SLC6A6: variants seen among roughly 807,000 people sequenced by gnomAD.
SLC6A6 encodes the protein sodium- and chloride-dependent taurine transporter.
In SLC6A6, 16 loss-of-function variants were observed where a neutral mutation model predicts 68.8. The ratio of observed to expected loss-of-function variants is 0.23; its 90% CI spans 0.16 to 0.35. SLC6A6 has a LOEUF of 0.35. SLC6A6 is among the 10% of genes least tolerant of loss of function. The probability of loss-of-function intolerance (pLI) is 1.00; values close to 1 mark genes in which losing one functional copy is unlikely to be tolerated. For missense variants in SLC6A6, 474 were observed against 802.8 expected (o/e 0.59, Z 4.95); for synonymous variants, 312 against 315.4 (o/e 0.99, Z 0.12).
In SLC6A6 at chr3:14,468,252, C is replaced by T; in HGVS notation, c.1096+40C>T. The T allele has an allele frequency of 6.3e-7, 1 of 1,594,630 alleles. No homozygotes were observed. The highest frequency in any genetic ancestry group is 8.5e-7 in the Non-Finnish European group (1 of 1,170,038). On this transcript the variant is annotated intron_variant, in intron 9 of 14. Transcript: ENST00000622186. This position sits in a 1 kb window ranked among gnomAD's most constrained non-coding sequence, Gnocchi z 4.5. ...GTGGCAGTGGTGGTGGGCACTGCCACCTAGTGTGTAAGCCAAGTACTGCAG... is the reference window on the plus strand; with the variant it reads ...GTGGCAGTGGTGGTGGGCACTGCCATCTAGTGTGTAAGCCAAGTACTGCAG...
intron 9 of SLC6A6, among the ~76,000 whole-genome samples, chr3:14,469,144 C>T (rs1015892236): frequency 2.6e-5 from 4 of 152,144 alleles, no homozygotes; most frequent in African/African-American, 9.7e-5. Flanking sequence ...ACCTCTCCAC[C>T]CTTCCCCGGC....
intron 5 of SLC6A6, among the ~76,000 whole-genome samples, chr3:14,448,689 G>A (rs1033553123): frequency 3.3e-5 from 5 of 152,226 alleles, no homozygotes; most frequent in Admixed American, 2.6e-4. Flanking sequence ...CTTCATGAGA[G>A]GAGTGAAGAA....
Position 14,485,174 on chromosome 3 carries a change from G to A in SLC6A6, c.*167G>A, listed in dbSNP as rs980202863. Reference sequence around the variant, plus strand: ...TGTGTGCGTGCGTGTGTGTGTGTGTGTGTATCGTGTGTGTGTGTTTTGTTT... The same window carrying A: ...TGTGTGCGTGCGTGTGTGTGTGTGTATGTATCGTGTGTGTGTGTTTTGTTT... On this transcript the variant is annotated 3_prime_UTR_variant, in exon 15 of 15. Transcript: ENST00000622186. 1 of 494,358 alleles carries A rather than the reference G, an allele frequency of 2.0e-6. No homozygotes were observed. The allele number at this position is 494,358 out of a possible 1,614,324, so 30.6% of individuals were successfully genotyped here. A position where few individuals can be genotyped will look rare whatever the true frequency, so the allele number is the denominator to read the frequency against.
At chr3:14,424,845 C>T (rs568349944) in intron 2 of SLC6A6, among the ~76,000 whole-genome samples, 3 of 152,100 alleles carry the variant, frequency 2.0e-5, no homozygotes, top group South Asian at 2.1e-4. Context: ...TTTGGGAGCC[C>T]GTGAAGTGCA....
At chr3:14,443,094 T>C (rs1438867089) in intron 2 of SLC6A6, among the ~76,000 whole-genome samples, 1 of 152,266 alleles carries the variant, frequency 6.6e-6, no homozygotes, top group Non-Finnish European at 1.5e-5. Flanking sequence ...TCTGTTTTTT[T>C]AACTTACAGT....
chr3:14,413,538 G>T (rs1254285145), intron 1 of SLC6A6, among the ~76,000 whole-genome samples: 4 of 152,230 alleles, frequency 2.6e-5, no homozygotes, highest in African/African-American at 7.2e-5. Context: ...TGGGCATCAC[G>T]TGGGAGCCTG....
At chr3:14,423,936 G>A (rs1218578262) in intron 2 of SLC6A6, among the ~76,000 whole-genome samples, 2 of 152,194 alleles carry the variant, frequency 1.3e-5, no homozygotes, top group Non-Finnish European at 2.9e-5. Context: ...GCCGAGTCTG[G>A]AAGTCTCATG....
In SLC6A6 at chr3:14,473,453, C is replaced by T. The variant is rs182226263; in HGVS notation, c.1209+1136C>T. Among the ~76,000 whole-genome samples the T allele has an allele frequency of 5.5e-3, 835 of 152,172 alleles. 6 individuals are homozygous for T. The highest frequency in any genetic ancestry group is 0.031 in the Middle Eastern group (9 of 294). On this transcript the variant is annotated intron_variant, in intron 10 of 14. Coordinates refer to ENST00000622186, the MANE Select transcript of SLC6A6 (RefSeq NM_003043.6). ...GAGAGGTTGGAGCTTGCAGCCAGGG[C>T]GGGAGAACCCTTTGTCCCCCTCCCC...
At chr3:14,423,611 C>A (rs1334907898) in intron 2 of SLC6A6, among the ~76,000 whole-genome samples, 2 of 152,192 alleles carry the variant, frequency 1.3e-5, no homozygotes, top group Admixed American at 1.3e-4. Flanking sequence ...CCTCTCAGAA[C>A]CACCTTCCTG....
chr3:14,466,411 CTCCTGA>C, intron 6 of SLC6A6, 99 bp from the exon 7 acceptor site: 1 of 1,314,194 alleles, frequency 7.6e-7, no homozygotes, highest in Non-Finnish European at 1.0e-6. Flanking sequence ...GGCTCCAGAA[CTCCTGA>C]TCCTGACCAG....
At chr3:14,480,914 AC>A (rs1700991967) in intron 13 of SLC6A6, among the ~76,000 whole-genome samples, 1 of 152,188 alleles carries the variant, frequency 6.6e-6, no homozygotes, top group Non-Finnish European at 1.5e-5. Flanking sequence ...ATTAGCATGG[AC>A]CCAGGGCTGG....
intron 2 of SLC6A6, among the ~76,000 whole-genome samples, chr3:14,429,056 C>T (rs1207693115): frequency 1.3e-5 from 2 of 152,198 alleles, no homozygotes; most frequent in African/African-American, 4.8e-5. Context: ...CCCCAGGAAT[C>T]GGGGTTGGTC....
intron 2 of SLC6A6, among the ~76,000 whole-genome samples, chr3:14,421,533 C>G (rs1299543746): frequency 6.6e-6 from 1 of 152,220 alleles, no homozygotes; most frequent in South Asian, 2.1e-4. Flanking sequence ...TAGCTCAGAA[C>G]GGCACATAGC....
At chr3:14,432,578 G>C (rs1218607095) in intron 2 of SLC6A6, 1 of 152,354 alleles carries the variant, frequency 6.6e-6, no homozygotes, top group African/African-American at 2.4e-5. Flanking sequence ...CTGCACCCTG[G>C]AGCAGAGCTG....
chr3:14,436,302 G>A (rs1038736048), intron 2 of SLC6A6, among the ~76,000 whole-genome samples: 2 of 152,148 alleles, frequency 1.3e-5, no homozygotes, highest in African/African-American at 4.8e-5. Flanking sequence ...CCGGGTGCAA[G>A]TGATCCTCCT....
At chr3:14,451,566 G>A (rs1700251489) in intron 5 of SLC6A6, among the ~76,000 whole-genome samples, 1 of 152,206 alleles carries the variant, frequency 6.6e-6, no homozygotes, top group Non-Finnish European at 1.5e-5. Context: ...TGTTCTCTTG[G>A]AGGAGGAACC....
In SLC6A6 at chr3:14,468,144, C is replaced by T; in HGVS notation, c.1028C>T (p.Ala343Val). ...NSGTSFVSGF[A>V]IFSILGFMAQ... Reference sequence around the variant, plus strand: ...GGTACCAGTTTTGTGTCTGGCTTCGCAATTTTTTCCATCCTGGGCTTCATG... The same window carrying T: ...GGTACCAGTTTTGTGTCTGGCTTCGTAATTTTTTCCATCCTGGGCTTCATG... The change falls in exon 9 of 15, where the codon GCA becomes GTA. Residue 343 changes from alanine (A) to valine (V), a missense_variant. Ala to Val is a moderately conservative substitution (Grantham distance 64, BLOSUM62 0). This residue lies in a region of SLC6A6 where 280 missense variants were observed against 533.1 expected (regional missense o/e 0.53). Coordinates refer to ENST00000622186, the MANE Select transcript of SLC6A6 (RefSeq NM_003043.6). This position sits in a 1 kb window ranked among gnomAD's most constrained non-coding sequence, Gnocchi z 4.5. 6.2e-7 allele frequency: 1 copy of T among 1,614,078 alleles called. No individual in the cohort carries two copies.
chr3:14,476,565 C>T (rs918073044), intron 10 of SLC6A6, among the ~76,000 whole-genome samples: 2 of 152,144 alleles, frequency 1.3e-5, no homozygotes, highest in Non-Finnish European at 2.9e-5. Context: ...GCTTGTGATC[C>T]CCAAAGGATT....
intron 5 of SLC6A6, among the ~76,000 whole-genome samples, chr3:14,452,316 C>T (rs1700270875): frequency 6.6e-6 from 1 of 152,200 alleles, no homozygotes; most frequent in African/African-American, 2.4e-5. Context: ...TAGCGTGGTC[C>T]CAATGACTCA....
Sources: allele counts gnomAD v4.1 joint callset (sites outside exome capture counted in the v4.1 genomes callset), GRCh38; gene constraint gnomAD v4.1.1; regional missense constraint gnomAD v4.1.1; non-coding constraint Gnocchi (gnomAD v3.1); transcripts MANE v1.5; gene names NCBI Gene and HGNC (gene_info 2026-07-23, HGNC 2026-07-21).